The following GHR variants were observed in gnomAD, a reference collection of about 807,000 sequenced individuals.
The protein encoded by GHR is GH receptor.
In GHR, 35 loss-of-function variants were observed where a neutral mutation model predicts 67.1. That is an observed-to-expected ratio of 0.52 (90% CI 0.40 to 0.69). The LOEUF is 0.69. Ranked by LOEUF, GHR falls within the 30% of genes least tolerant of loss-of-function variation. The probability of loss-of-function intolerance (pLI) is 0.00; values close to 1 mark genes in which losing one functional copy is unlikely to be tolerated. For missense variants in GHR, 792 were observed against 764.6 expected (o/e 1.04, Z -0.42); for synonymous variants, 272 against 269.1 (o/e 1.01, Z -0.10).
At chr5:42,521,964 A>C (rs541943165) in intron 1 of GHR, among the ~76,000 whole-genome samples, 3 of 152,178 alleles carry the variant, frequency 2.0e-5, no homozygotes, top group Non-Finnish European at 4.4e-5. Flanking sequence ...AGGAAAAGCT[A>C]AAGTGTTGGT....
At chr5:42,589,895 G>A (rs796637671) in intron 2 of GHR, among the ~76,000 whole-genome samples, 8 of 152,192 alleles carry the variant, frequency 5.3e-5, no homozygotes, top group African/African-American at 1.9e-4. Context: ...AGACAGAGAT[G>A]GCGGTGAGAA....
At chr5:42,702,923 A>C (rs973657049) in intron 6 of GHR, among the ~76,000 whole-genome samples, 2 of 151,776 alleles carry the variant, frequency 1.3e-5, no homozygotes, top group Admixed American at 1.3e-4. Flanking sequence ...TTTTCTTGTT[A>C]TTGAATTGTT....
intron 3 of GHR, among the ~76,000 whole-genome samples, chr5:42,642,465 C>T (rs892880225): frequency 2.6e-5 from 4 of 152,054 alleles, no homozygotes; most frequent in African/African-American, 9.7e-5. Context: ...AGTCAGGGGA[C>T]TTCGTTGGTG....
intron 1 of GHR, among the ~76,000 whole-genome samples, chr5:42,528,869 A>G (rs1474992861): frequency 2.0e-5 from 3 of 152,228 alleles, no homozygotes; most frequent in Non-Finnish European, 4.4e-5. Context: ...TCCACCGGCA[A>G]AAAGATTATG....
At chr5:42,588,906 G>A (rs1290962012) in intron 2 of GHR, among the ~76,000 whole-genome samples, 6 of 152,044 alleles carry the variant, frequency 3.9e-5, no homozygotes, top group East Asian at 1.9e-4. Context: ...ATCTTTACTC[G>A]GGCCACAGTA....
rs116190217 is a variant in GHR, at chr5:42,466,545, T to C, written c.-12+42590T>C. 6.2e-3 allele frequency among the ~76,000 whole-genome samples: 940 copies of C among 152,306 alleles called. 8 individuals carry two copies. The highest frequency in any genetic ancestry group is 0.027 in the Middle Eastern group (8 of 294). ...AACCTGCCTATTGCTCAAGCAATCATCAGAGTTTTTAAAAACAAAATTAAG... is the reference window on the plus strand; with the variant it reads ...AACCTGCCTATTGCTCAAGCAATCACCAGAGTTTTTAAAAACAAAATTAAG... On this transcript the variant is annotated intron_variant, in intron 1 of 9. Transcript: ENST00000230882.
At chr5:42,573,723 C>T (rs1750466935) in intron 2 of GHR, among the ~76,000 whole-genome samples, 1 of 152,150 alleles carries the variant, frequency 6.6e-6, no homozygotes, top group Admixed American at 6.5e-5. Context: ...TTTCTTAGCC[C>T]CATTCCTTAA....
chr5:42,718,375 C>A, intron 9 of GHR, 78 bp from the exon 10 acceptor site: 3 of 1,085,326 alleles, frequency 2.8e-6, no homozygotes, highest in African/African-American at 1.6e-5. Context: ...CATAATTAAT[C>A]TCTGAACATT....
At chr5:42,602,399 T>C (rs1187804288) in intron 2 of GHR, among the ~76,000 whole-genome samples, 1 of 152,180 alleles carries the variant, frequency 6.6e-6, no homozygotes, top group African/African-American at 2.4e-5. Context: ...ACTGTATGTA[T>C]GTACTCAGAT....
intron 1 of GHR, among the ~76,000 whole-genome samples, chr5:42,511,599 T>A (rs1747018688): frequency 6.6e-6 from 1 of 152,242 alleles, no homozygotes; most frequent in Admixed American, 6.5e-5. Context: ...TTTGTTTGTT[T>A]GTTTTTTGTT....
At chr5:42,709,843 G>A (rs1445514284) in intron 6 of GHR, among the ~76,000 whole-genome samples, 4 of 152,108 alleles carry the variant, frequency 2.6e-5, no homozygotes, top group Non-Finnish European at 5.9e-5. Flanking sequence ...ACAGGGTTAG[G>A]TATGATAGGA....
intron 1 of GHR, among the ~76,000 whole-genome samples, chr5:42,435,154 AT>A (rs981207498): frequency 2.1e-4 from 32 of 151,996 alleles, no homozygotes; most frequent in African/African-American, 7.2e-4. Flanking sequence ...AACAGTCGCT[AT>A]TTTTTTCTCC....
intron 3 of GHR, among the ~76,000 whole-genome samples, chr5:42,644,600 C>T (rs1024424868): frequency 6.6e-5 from 10 of 151,410 alleles, no homozygotes; most frequent in East Asian, 1.9e-4. Context: ...AAGTATTCTA[C>T]GATATTCAGG....
intron 1 of GHR, among the ~76,000 whole-genome samples, chr5:42,546,523 T>C (rs1748739607): frequency 6.6e-6 from 1 of 152,184 alleles, no homozygotes; most frequent in African/African-American, 2.4e-5. Flanking sequence ...CACAGTTAGC[T>C]GCAAGGTTGG....
chr5:42,436,904 AAC>A (rs1408437196), intron 1 of GHR, among the ~76,000 whole-genome samples: 1 of 152,202 alleles, frequency 6.6e-6, no homozygotes, highest in Non-Finnish European at 1.5e-5. Context: ...TGGGAAGATA[AAC>A]AACATGAATA....
chr5:42,515,946 T>C (rs2112282264), intron 1 of GHR, among the ~76,000 whole-genome samples: 1 of 152,360 alleles, frequency 6.6e-6, no homozygotes, highest in East Asian at 1.9e-4. Flanking sequence ...CTGAAAACTA[T>C]TCCTAATTTG....
At chr5:42,659,692 G>T (rs896297539) in intron 3 of GHR, among the ~76,000 whole-genome samples, 1 of 152,188 alleles carries the variant, frequency 6.6e-6, no homozygotes, top group African/African-American at 2.4e-5. Flanking sequence ...CAGAAGACGG[G>T]TGATTTCTGC....
intron 1 of GHR, among the ~76,000 whole-genome samples, chr5:42,559,747 T>G (rs995415239): frequency 6.6e-6 from 1 of 152,206 alleles, no homozygotes; most frequent in East Asian, 1.9e-4. Flanking sequence ...GAGCTTTTTC[T>G]TCCTCACTCA....
At chr5:42,599,015 A>C (rs1253945379) in intron 2 of GHR, among the ~76,000 whole-genome samples, 1 of 152,228 alleles carries the variant, frequency 6.6e-6, no homozygotes, top group Non-Finnish European at 1.5e-5. Flanking sequence ...AAGTCATATT[A>C]TCTGGCACCA....
Sources: allele counts gnomAD v4.1 joint callset (sites outside exome capture counted in the v4.1 genomes callset), GRCh38; gene constraint gnomAD v4.1.1; transcripts MANE v1.5; gene names NCBI Gene and HGNC (gene_info 2026-07-23, HGNC 2026-07-21).